The following RAB6A variants were observed in gnomAD, a reference collection of about 807,000 sequenced individuals.
RAB6A encodes the protein ras-related protein Rab-6A.
In RAB6A, 8 loss-of-function variants were observed where a neutral mutation model predicts 32.3. The ratio of observed to expected loss-of-function variants is 0.25; its 90% CI spans 0.15 to 0.45. RAB6A has a LOEUF of 0.45. Among genes scored for constraint, RAB6A ranks in the 20% least tolerant of loss-of-function variants. The probability of loss-of-function intolerance (pLI) is 1.00; values close to 1 mark genes in which losing one functional copy is unlikely to be tolerated. For missense variants in RAB6A, 104 were observed against 249.4 expected (o/e 0.42, Z 3.93); for synonymous variants, 73 against 82.1 (o/e 0.89, Z 0.60).
chr11:73,698,760 CATAT>C (rs60283754), intron 6 of RAB6A, among the ~76,000 whole-genome samples: 3,605 of 151,800 alleles, frequency 0.024, 143 homozygotes, highest in African/African-American at 0.083. Context: ...TTGTATCATA[CATAT>C]GTTAATTTTT....
intron 6 of RAB6A, among the ~76,000 whole-genome samples, chr11:73,693,541 A>G (rs1036258776): frequency 6.7e-6 from 1 of 149,930 alleles, no homozygotes; most frequent in South Asian, 2.1e-4. Flanking sequence ...CCTGGGCAAC[A>G]TAGCAAGACT....
chr11:73,744,924 G>A lies in RAB6A; in HGVS notation c.71-14101C>T, dbSNP rs185542764. Among the ~76,000 whole-genome samples, 787 of 150,812 alleles carry A rather than the reference G, an allele frequency of 5.2e-3. 6 individuals are homozygous for A. The highest frequency in any genetic ancestry group is 0.017 in the African/African-American group (715 of 40,972). On this transcript the variant is annotated intron_variant, in intron 1 of 7. Transcript: ENST00000336083. ...CGGGAAGTGGAGGTTGCAGTGAGCC[G>A]AGATCGCGCCACTGCACTCCAGCCT...
At chr11:73,745,776 G>A (rs1946578271) in intron 1 of RAB6A, among the ~76,000 whole-genome samples, 1 of 152,052 alleles carries the variant, frequency 6.6e-6, no homozygotes, top group South Asian at 2.1e-4. Context: ...AAGTTGCAGT[G>A]AGCCAAGATC....
intron 6 of RAB6A, among the ~76,000 whole-genome samples, chr11:73,696,388 T>C (rs1432187670): frequency 1.3e-5 from 2 of 152,038 alleles, no homozygotes; most frequent in African/African-American, 4.8e-5. Flanking sequence ...AGTAGAGACT[T>C]TGGCTCTGTT....
chr11:73,715,771 T>C (rs150495644), intron 5 of RAB6A, among the ~76,000 whole-genome samples: 2,037 of 152,260 alleles, frequency 0.013, 38 homozygotes, highest in African/African-American at 0.047. Context: ...AGCTATTCAG[T>C]GCAACTACAC....
At chr11:73,751,165 A>G (rs1267107588) in intron 1 of RAB6A, among the ~76,000 whole-genome samples, 1 of 152,068 alleles carries the variant, frequency 6.6e-6, no homozygotes, top group Non-Finnish European at 1.5e-5. Flanking sequence ...CTATAGTCCC[A>G]GCTACTCAGG....
intron 6 of RAB6A, among the ~76,000 whole-genome samples, chr11:73,680,289 AC>A (rs1250364255): frequency 2.0e-5 from 3 of 152,228 alleles, no homozygotes; most frequent in African/African-American, 7.2e-5. Context: ...ATAAAGTATT[AC>A]AGAAACGCAG....
At chr11:73,711,483 G>A (rs1043315812) in intron 5 of RAB6A, among the ~76,000 whole-genome samples, 2 of 151,976 alleles carry the variant, frequency 1.3e-5, no homozygotes, top group African/African-American at 2.4e-5. Context: ...AAGGATGTTC[G>A]TAAGTTTGTC....
intron 6 of RAB6A, among the ~76,000 whole-genome samples, chr11:73,684,909 C>T (rs932442513): frequency 4.6e-5 from 7 of 152,202 alleles, no homozygotes; most frequent in African/African-American, 1.7e-4. Flanking sequence ...GAAAGACCTT[C>T]CCTCACATCC....
At chr11:73,730,873 T>A (rs759157035) in intron 1 of RAB6A, 50 bp from the exon 2 acceptor site, 1 of 1,441,260 alleles carries the variant, frequency 6.9e-7, no homozygotes, top group South Asian at 1.3e-5. Flanking sequence ...TTACATTGGG[T>A]TCTCAGAAAA....
intron 6 of RAB6A, among the ~76,000 whole-genome samples, chr11:73,694,962 G>C (rs551454742): frequency 3.2e-4 from 48 of 152,288 alleles, no homozygotes; most frequent in Admixed American, 5.9e-4. Context: ...GTAACAGTGA[G>C]CTGAGATCGT....
chr11:73,718,867 A>G (rs780586189), intron 3 of RAB6A, 149 bp from the exon 4 acceptor site: 1 of 1,603,840 alleles, frequency 6.2e-7, no homozygotes, highest in Non-Finnish European at 8.5e-7. Flanking sequence ...CCTGACCCGC[A>G]GTATCCCACA....
At chr11:73,736,809 G>GAAAAAAAAAAAAAAAAAA (rs756237159) in intron 1 of RAB6A, among the ~76,000 whole-genome samples, 28 of 108,728 alleles carry the variant, frequency 2.6e-4, no homozygotes, top group East Asian at 5.3e-4. Context: ...AAAAAAAAAA[G>GAAAAAAAAAAAAAAAAAA]AAAAAAAAAA....
chr11:73,698,536 A>C (rs985135601), intron 6 of RAB6A, among the ~76,000 whole-genome samples: 1 of 152,182 alleles, frequency 6.6e-6, no homozygotes, highest in East Asian at 1.9e-4. Context: ...CAATTCTAGG[A>C]AAGTTATATA....
chr11:73,687,103 T>G (rs187389770), intron 6 of RAB6A, among the ~76,000 whole-genome samples: 88 of 152,252 alleles, frequency 5.8e-4, no homozygotes, highest in African/African-American at 2.0e-3. Context: ...GAGGACATTA[T>G]GCAAGTGAAA....
At chr11:73,740,060 AAAAAAAGAAAAAAAAAAAAAAGAGAG>A (rs1946470325) in intron 1 of RAB6A, among the ~76,000 whole-genome samples, 2 of 151,756 alleles carry the variant, frequency 1.3e-5, no homozygotes, top group African/African-American at 4.9e-5. Flanking sequence ...CTCTGTCTCA[AAAAAAAGAAAAAAAAAAAAAAGAGAG>A]GACTCAATTA....
intron 1 of RAB6A, among the ~76,000 whole-genome samples, chr11:73,748,117 G>A (rs1007850435): frequency 2.0e-5 from 3 of 152,128 alleles, no homozygotes; most frequent in African/African-American, 7.2e-5. Flanking sequence ...AGTTATTACT[G>A]TGGTATTCTA....
At chr11:73,737,832 A>T (rs1411023449) in intron 1 of RAB6A, among the ~76,000 whole-genome samples, 2 of 151,250 alleles carry the variant, frequency 1.3e-5, no homozygotes, top group Non-Finnish European at 3.0e-5. Context: ...GTCTCTACTT[A>T]AAAAAAATAC....
intron 5 of RAB6A, among the ~76,000 whole-genome samples, chr11:73,715,701 A>G (rs1052275250): frequency 6.6e-6 from 1 of 152,378 alleles, no homozygotes; most frequent in Admixed American, 6.5e-5. Flanking sequence ...GAATGTTAAT[A>G]TATTTTGCAT....
Sources: gnomAD v4.1 joint callset for allele counts (sites outside exome capture counted in the v4.1 genomes callset) on GRCh38, gnomAD v4.1.1 for gene constraint, MANE v1.5 for transcripts, NCBI Gene and HGNC (gene_info 2026-07-23, HGNC 2026-07-21) for gene names.